HOMER1: variants seen among roughly 807,000 people sequenced by gnomAD.
The protein encoded by HOMER1 is homer protein homolog 1.
Under a neutral mutation model 48.9 loss-of-function variants are expected in HOMER1, and 3 were observed. The ratio of observed to expected loss-of-function variants is 0.06; its 90% CI spans 0.03 to 0.16. HOMER1 has a LOEUF of 0.16. Among genes scored for constraint, HOMER1 ranks in the 10% least tolerant of loss-of-function variants. The pLI is 1.00. For synonymous variants in HOMER1, 134 were observed against 146.4 expected (o/e 0.92, Z 0.61); for missense variants, 247 against 411.4 (o/e 0.60, Z 3.46).
At chr5:79,468,160 T>C (rs576243206) in intron 1 of HOMER1, among the ~76,000 whole-genome samples, 1 of 152,330 alleles carries the variant, frequency 6.6e-6, no homozygotes, top group South Asian at 2.1e-4. Flanking sequence ...ACCTGACCAC[T>C]ACGCATGTGA....
intron 1 of HOMER1, among the ~76,000 whole-genome samples, chr5:79,502,944 C>T (rs1188903914): frequency 2.0e-5 from 3 of 151,772 alleles, no homozygotes; most frequent in Non-Finnish European, 2.9e-5. Context: ...GCGCCCGCCA[C>T]CACGCCCGGC....
intron 6 of HOMER1, among the ~76,000 whole-genome samples, chr5:79,400,208 T>G (rs1749496072): frequency 6.6e-6 from 1 of 152,180 alleles, no homozygotes; most frequent in Non-Finnish European, 1.5e-5. Flanking sequence ...CAGAACTTTT[T>G]TAACTTGCAA....
intron 1 of HOMER1, among the ~76,000 whole-genome samples, chr5:79,491,706 T>C (rs1253355569): frequency 6.6e-6 from 1 of 152,182 alleles, no homozygotes; most frequent in East Asian, 1.9e-4. Flanking sequence ...TTGTTTTCCT[T>C]ATGTATGAAA....
At chr5:79,394,153 G>A (rs887778839) in intron 8 of HOMER1, among the ~76,000 whole-genome samples, 3 of 151,918 alleles carry the variant, frequency 2.0e-5, no homozygotes, top group East Asian at 1.9e-4. Flanking sequence ...ACTGTAGCAC[G>A]GTATCCTTAA....
At chr5:79,441,413 G>A (rs1189194029) in intron 4 of HOMER1, among the ~76,000 whole-genome samples, 1 of 152,034 alleles carries the variant, frequency 6.6e-6, no homozygotes, top group Non-Finnish European at 1.5e-5. Flanking sequence ...ACTTGGGGAG[G>A]CTACAAATGT....
In HOMER1 at chr5:79,375,046, T is replaced by C. The variant is rs1282047188; in HGVS notation, c.*963A>G. On this transcript the variant is annotated 3_prime_UTR_variant, in exon 9 of 9. Transcript: ENST00000334082. ...CCTTAAAATTATCTATAATAAACAGTTCCCCAATAACCATTATTATTCGTA... is the reference window on the plus strand; with the variant it reads ...CCTTAAAATTATCTATAATAAACAGCTCCCCAATAACCATTATTATTCGTA... 1 of 152,082 alleles carries C rather than the reference T, an allele frequency of 6.6e-6. No individual in the cohort carries two copies. Among genetic ancestry groups the C allele is most frequent in the African/African-American group, 2.4e-5 (1 of 41,450 alleles). The allele number at this position is 152,082 out of a possible 1,614,324, so 9.4% of individuals were successfully genotyped here. A position where few individuals can be genotyped will look rare whatever the true frequency, so the allele number is the denominator to read the frequency against.
chr5:79,451,236 T>C, intron 2 of HOMER1, 115 bp from the exon 3 acceptor site: 1 of 949,358 alleles, frequency 1.1e-6, no homozygotes. Flanking sequence ...CAACGTTAAA[T>C]ACATAAAGAT....
At chr5:79,499,332 C>T (rs556601957) in intron 1 of HOMER1, among the ~76,000 whole-genome samples, 20 of 152,222 alleles carry the variant, frequency 1.3e-4, no homozygotes, top group Middle Eastern at 3.4e-3. Context: ...ATTTTAATAT[C>T]AACTTTGAAA....
At chr5:79,390,441 G>A (rs1749220803) in intron 8 of HOMER1, among the ~76,000 whole-genome samples, 1 of 152,012 alleles carries the variant, frequency 6.6e-6, no homozygotes, top group Non-Finnish European at 1.5e-5. Flanking sequence ...AATATCAAGA[G>A]ATATTTAAAA....
intron 6 of HOMER1, among the ~76,000 whole-genome samples, chr5:79,400,096 T>G (rs2112218224): frequency 6.8e-6 from 1 of 148,060 alleles, no homozygotes; most frequent in South Asian, 2.2e-4. Context: ...TTTTTTTTTG[T>G]GGTAAAAAAC....
At chr5:79,491,201 G>A (rs1380336341) in intron 1 of HOMER1, among the ~76,000 whole-genome samples, 3 of 150,394 alleles carry the variant, frequency 2.0e-5, no homozygotes, top group South Asian at 4.2e-4. Flanking sequence ...GGAGGCTGAG[G>A]TGGATGGATC....
chr5:79,508,249 G>C (rs1752832038), intron 1 of HOMER1, among the ~76,000 whole-genome samples: 1 of 152,166 alleles, frequency 6.6e-6, no homozygotes, highest in African/African-American at 2.4e-5. Flanking sequence ...TAAATAAATT[G>C]AGTGGGTCAC....
At chr5:79,379,862 T>C (rs1359662122) in intron 8 of HOMER1, among the ~76,000 whole-genome samples, 3 of 152,150 alleles carry the variant, frequency 2.0e-5, no homozygotes, top group African/African-American at 4.8e-5. Context: ...GAGAGAGGCA[T>C]TGTTCAGCCC....
chr5:79,393,140 T>C (rs1389072202), intron 8 of HOMER1, among the ~76,000 whole-genome samples: 1 of 152,150 alleles, frequency 6.6e-6, no homozygotes, highest in Non-Finnish European at 1.5e-5. Context: ...CTAAAGAACT[T>C]ATTTATGTAA....
At chr5:79,506,136 T>C (rs1284414100) in intron 1 of HOMER1, among the ~76,000 whole-genome samples, 2 of 151,906 alleles carry the variant, frequency 1.3e-5, no homozygotes, top group Admixed American at 1.3e-4. Context: ...TTTTTTGAGA[T>C]GGAGTTTCCC....
At position 79,419,996 on chromosome 5, in the gene HOMER1, T is replaced by G. The variant is rs1212836728; in HGVS notation, c.528-17941A>C. Reference sequence around the variant, plus strand: ...TGTAAAATGATTAAAGAAGCATTCTTTTTTTTATCTGCATTACGATTTGCA... The same window carrying G: ...TGTAAAATGATTAAAGAAGCATTCTGTTTTTTATCTGCATTACGATTTGCA... On this transcript the variant is annotated intron_variant, in intron 5 of 8. Transcript: ENST00000334082. 3.9e-5 allele frequency among the ~76,000 whole-genome samples: 4 copies of G among 102,330 alleles called. No homozygotes were observed. The Admixed American group carries it at 4.6e-4, about 12-fold the overall frequency. The allele number at this position is 102,330 out of a possible 152,430, so 67.1% of individuals were successfully genotyped here. A position where few individuals can be genotyped will look rare whatever the true frequency, so the allele number is the denominator to read the frequency against.
intron 5 of HOMER1, among the ~76,000 whole-genome samples, chr5:79,413,748 T>G (rs966282479): frequency 1.3e-5 from 2 of 151,430 alleles, no homozygotes; most frequent in Non-Finnish European, 2.9e-5. Flanking sequence ...GGTGCTTTCA[T>G]ATCAGCCTGT....
intron 5 of HOMER1, among the ~76,000 whole-genome samples, chr5:79,417,717 C>T (rs1455387573): frequency 1.3e-5 from 2 of 151,974 alleles, no homozygotes; most frequent in African/African-American, 4.8e-5. Context: ...TTTATCTGGC[C>T]TTCTATAATT....
chr5:79,402,920 G>A (rs77203396), intron 5 of HOMER1, among the ~76,000 whole-genome samples: 3,156 of 152,178 alleles, frequency 0.021, 64 homozygotes, highest in Middle Eastern at 0.051. Flanking sequence ...CATAGGAAAG[G>A]CTAGGCCTAC....
Sources: allele counts gnomAD v4.1 joint callset (sites outside exome capture counted in the v4.1 genomes callset), GRCh38; gene constraint gnomAD v4.1.1; transcripts MANE v1.5; gene names NCBI Gene and HGNC (gene_info 2026-07-23, HGNC 2026-07-21).